CTNNA1: variants seen among roughly 807,000 people sequenced by gnomAD.
CTNNA1 encodes the protein catenin alpha-1.
A neutral mutation model predicts 98.4 loss-of-function variants in CTNNA1; 37 were observed. The ratio of observed to expected loss-of-function variants is 0.38; its 90% CI spans 0.29 to 0.49. CTNNA1 has a LOEUF of 0.49. CTNNA1 is among the 20% of genes least tolerant of loss of function. The pLI is 0.95. For missense variants in CTNNA1, 761 were observed against 1,147.2 expected (o/e 0.66, Z 4.86); for synonymous variants, 404 against 413.2 (o/e 0.98, Z 0.27).
At chr5:138,804,017 CT>C (rs1757839347) in intron 3 of CTNNA1, among the ~76,000 whole-genome samples, 1 of 152,194 alleles carries the variant, frequency 6.6e-6, no homozygotes, top group Admixed American at 6.5e-5. Context: ...CAATGAAGAC[CT>C]TTTCTCTGTC....
chr5:138,814,929 T>A (rs1759265385), intron 5 of CTNNA1, among the ~76,000 whole-genome samples: 1 of 152,152 alleles, frequency 6.6e-6, no homozygotes, highest in South Asian at 2.1e-4. Flanking sequence ...AATTTTTGTA[T>A]TTTTAGTAGA....
intron 3 of CTNNA1, among the ~76,000 whole-genome samples, chr5:138,804,990 C>T (rs1757937279): frequency 6.6e-6 from 1 of 152,064 alleles, no homozygotes; most frequent in Non-Finnish European, 1.5e-5. Context: ...TCTGGGGTGG[C>T]CTCAGGAAGC....
intron 1 of CTNNA1, among the ~76,000 whole-genome samples, chr5:138,776,839 C>T (rs1227892733): frequency 5.7e-5 from 4 of 70,526 alleles, no homozygotes; most frequent in Non-Finnish European, 1.2e-4. Context: ...GGCGGCTGGC[C>T]GGGCGGGGGG....
intron 10 of CTNNA1, among the ~76,000 whole-genome samples, chr5:138,913,263 T>C (rs1469838717): frequency 6.6e-6 from 1 of 152,188 alleles, no homozygotes; most frequent in Non-Finnish European, 1.5e-5. Context: ...GTTTTTACTA[T>C]TTTATATTGT....
At chr5:138,773,209 A>G (rs1467949414) in intron 1 of CTNNA1, among the ~76,000 whole-genome samples, 1 of 152,256 alleles carries the variant, frequency 6.6e-6, no homozygotes, top group African/African-American at 2.4e-5. Flanking sequence ...CCCTGCGCTC[A>G]TGAAACTTAC....
At chr5:138,930,692 C>A (rs751540262) in intron 15 of CTNNA1, 38 bp downstream of exon 15, 1 of 1,592,660 alleles carries the variant, frequency 6.3e-7, no homozygotes, top group Non-Finnish European at 8.6e-7. Flanking sequence ...TGCACAGGGG[C>A]TACTTTCTTC....
chr5:138,808,577 T>C (rs2149722803), intron 3 of CTNNA1, among the ~76,000 whole-genome samples: 1 of 151,728 alleles, frequency 6.6e-6, no homozygotes, highest in African/African-American at 2.4e-5. Flanking sequence ...GCCTAATTAA[T>C]ATATGCATGT....
At chr5:138,925,899 G>A (rs1481780543) in intron 13 of CTNNA1, among the ~76,000 whole-genome samples, 1 of 152,210 alleles carries the variant, frequency 6.6e-6, no homozygotes, top group Non-Finnish European at 1.5e-5. Context: ...TTTCCCCATA[G>A]CCAGAGTGCC....
intron 13 of CTNNA1, among the ~76,000 whole-genome samples, chr5:138,927,710 T>TAATGAATGAATGAATGAATG (rs749302365): frequency 3.3e-5 from 5 of 150,942 alleles, no homozygotes; most frequent in African/African-American, 4.9e-5. Context: ...GGCAGAGAGA[T>TAATGAATGAATGAATGAATG]AATGAATGAA....
At chr5:138,821,164 G>A (rs188710118) in intron 5 of CTNNA1, among the ~76,000 whole-genome samples, 62 of 152,352 alleles carry the variant, frequency 4.1e-4, no homozygotes, top group African/African-American at 1.3e-3. Context: ...GACTAGAAGT[G>A]TTGAATCTCC....
At chr5:138,819,189 A>T (rs533788675) in intron 5 of CTNNA1, among the ~76,000 whole-genome samples, 9 of 152,254 alleles carry the variant, frequency 5.9e-5, no homozygotes, top group African/African-American at 1.9e-4. Flanking sequence ...ATGAGGCACC[A>T]TGCAGTAATG....
chr5:138,874,918 G>C lies in CTNNA1; in HGVS notation c.1063-11294G>C. The stretch of plus-strand genomic sequence containing the variant: ...AATGCACAGACTTACCCATTCTTCT[G>C]AGCACATTGGAGGCTGCATTCAGTC... On this transcript the variant is annotated intron_variant, in intron 7 of 17. Transcript: ENST00000302763. This position sits in a 1 kb window ranked among gnomAD's most constrained non-coding sequence, Gnocchi z 4.1. The C allele has an allele frequency of 8.1e-6, 13 of 1,613,592 alleles. No homozygotes were observed. Among genetic ancestry groups the C allele is most frequent in the Non-Finnish European group, 1.1e-5 (13 of 1,179,740 alleles).
At chr5:138,928,221 AC>A (rs1481244431) in intron 13 of CTNNA1, among the ~76,000 whole-genome samples, 5 of 151,958 alleles carry the variant, frequency 3.3e-5, no homozygotes, top group Non-Finnish European at 7.4e-5. Context: ...CTGCCCCCTT[AC>A]TGATAACTGC....
intron 1 of CTNNA1, among the ~76,000 whole-genome samples, chr5:138,781,006 C>A (rs892465527): frequency 4.6e-5 from 7 of 152,144 alleles, no homozygotes; most frequent in African/African-American, 1.7e-4. Flanking sequence ...ACAGAAGTTT[C>A]TCTTGACACT....
chr5:138,778,215 C>A (rs559588808), intron 1 of CTNNA1, among the ~76,000 whole-genome samples: 3 of 151,818 alleles, frequency 2.0e-5, no homozygotes, highest in Non-Finnish European at 4.4e-5. Context: ...AGGATGGTTT[C>A]GATCTCCTGA....
Position 138,887,543 on chromosome 5 carries a change from T to G in CTNNA1, c.1197T>G (p.Val399=). Residue 399 remains valine, a synonymous_variant, in exon 9 of 18, where the codon GTT becomes GTG. Transcript: ENST00000302763. ...CAGATTCTTTCCTGGAAACCAATGT[T>G]CCACTTTTGGTATTGATTGAAGCTG... ...HVSDSFLETN[V]PLLVLIEAAK... 6.2e-7 allele frequency: 1 copy of G among 1,611,620 alleles called. No individual in the cohort carries two copies. The highest frequency in any genetic ancestry group is 8.5e-7 in the Non-Finnish European group (1 of 1,178,580).
intron 10 of CTNNA1, among the ~76,000 whole-genome samples, chr5:138,914,516 T>G (rs1477915187): frequency 6.6e-6 from 1 of 152,144 alleles, no homozygotes; most frequent in Admixed American, 6.5e-5. Flanking sequence ...CTATTAATAG[T>G]TCATAAACTG....
At chr5:138,883,434 G>T (rs1753376011) in intron 7 of CTNNA1, among the ~76,000 whole-genome samples, 4 of 152,166 alleles carry the variant, frequency 2.6e-5, no homozygotes, top group Admixed American at 1.3e-4. Flanking sequence ...TAACAAGAAA[G>T]ACAAATTGAT....
chr5:138,827,993 G>GGT lies in CTNNA1; in HGVS notation c.1062+282_1062+283dup, dbSNP rs1491582492. 1.6e-5 allele frequency: 7 copies of GGT among 436,222 alleles called. No homozygotes were observed. In the East Asian group the frequency reaches 3.3e-4, roughly 20 times the overall value. The allele number at this position is 436,222 out of a possible 1,614,324, so 27.0% of individuals were successfully genotyped here. A position where few individuals can be genotyped will look rare whatever the true frequency, so the allele number is the denominator to read the frequency against. On this transcript the variant is annotated intron_variant, in intron 7 of 17. Transcript: ENST00000302763. Reference sequence around the variant, plus strand: ...CAATTAACATGTAGATACATGTGTAGGTGTGTGTATATATAAATGTATATG... The same window carrying GGT: ...CAATTAACATGTAGATACATGTGTAGGTGTGTGTGTATATATAAATGTATATG...
Sources: allele counts gnomAD v4.1 joint callset (sites outside exome capture counted in the v4.1 genomes callset), GRCh38; gene constraint gnomAD v4.1.1; non-coding constraint Gnocchi (gnomAD v3.1); transcripts MANE v1.5; gene names NCBI Gene and HGNC (gene_info 2026-07-23, HGNC 2026-07-21).